The following SBF2 variants were observed in gnomAD, a reference collection of about 807,000 sequenced individuals.
The protein encoded by SBF2 is SET binding factor 2.
In SBF2, 112 loss-of-function variants were observed where a neutral mutation model predicts 225.2. The observed-to-expected ratio is 0.50, with a 90% CI of 0.43 to 0.58. The LOEUF (loss-of-function observed/expected upper bound fraction) is 0.58. Among genes scored for constraint, SBF2 ranks in the 20% least tolerant of loss-of-function variants. SBF2 has a pLI of 0.00. For synonymous variants in SBF2, 763 were observed against 773.3 expected (o/e 0.99, Z 0.22); for missense variants, 1,996 against 2,206.2 (o/e 0.90, Z 1.91).
intron 3 of SBF2, among the ~76,000 whole-genome samples, chr11:10,042,077 G>A (rs1949676781): frequency 6.6e-6 from 1 of 152,176 alleles, no homozygotes; most frequent in Non-Finnish European, 1.5e-5. Context: ...ATATCTGCAG[G>A]AGAATGGATA....
intron 6 of SBF2, among the ~76,000 whole-genome samples, chr11:10,006,552 G>T (rs1486187343): frequency 6.6e-6 from 1 of 152,124 alleles, no homozygotes; most frequent in Admixed American, 6.5e-5. Flanking sequence ...TTCGGGAGGA[G>T]GGGAAATTCT....
At chr11:10,107,762 A>G (rs919944231) in intron 2 of SBF2, among the ~76,000 whole-genome samples, 2 of 152,078 alleles carry the variant, frequency 1.3e-5, no homozygotes, top group Non-Finnish European at 2.9e-5. Context: ...TTGACATTGG[A>G]TTTACGGCCC....
chr11:9,951,694 A>G (rs1260718473), intron 16 of SBF2, among the ~76,000 whole-genome samples: 1 of 152,222 alleles, frequency 6.6e-6, no homozygotes, highest in Non-Finnish European at 1.5e-5. Context: ...CGGACAAATA[A>G]AAGCTGAGAT....
chr11:9,952,284 C>G (rs996700846), intron 16 of SBF2, among the ~76,000 whole-genome samples: 1 of 151,466 alleles, frequency 6.6e-6, no homozygotes, highest in Non-Finnish European at 1.5e-5. Flanking sequence ...AAACAAACAT[C>G]TAATCTTCTG....
chr11:10,285,518 G>T (rs1490185131), intron 1 of SBF2, among the ~76,000 whole-genome samples: 2 of 152,126 alleles, frequency 1.3e-5, no homozygotes, highest in African/African-American at 4.8e-5. Context: ...GTAAATAATT[G>T]TGTAATTTCC....
chr11:10,090,706 A>C (rs2134912495), intron 2 of SBF2, among the ~76,000 whole-genome samples: 1 of 141,128 alleles, frequency 7.1e-6, no homozygotes, highest in East Asian at 2.2e-4. Flanking sequence ...CGGAGGCTGC[A>C]GTGAGCCGAG....
chr11:9,888,674 G>C (rs1420078888), intron 17 of SBF2, among the ~76,000 whole-genome samples: 2 of 152,114 alleles, frequency 1.3e-5, no homozygotes, highest in African/African-American at 4.8e-5. Context: ...GAGGGCAGGA[G>C]TGATGTCAAC....
intron 31 of SBF2, chr11:9,808,450 CT>C: frequency 1.9e-6 from 1 of 528,882 alleles, no homozygotes; most frequent in Non-Finnish European, 3.4e-6. Context: ...TGACAGCAAC[CT>C]TTTCCTAAGT....
At position 10,021,628 on chromosome 11, in the gene SBF2, A is replaced by C. The variant is rs187115760; in HGVS notation, c.619+6824T>G. Among the ~76,000 whole-genome samples, 216 of 152,156 alleles carry C rather than the reference A, an allele frequency of 1.4e-3. 1 individual carries two copies. The highest frequency in any genetic ancestry group is 5.0e-3 in the African/African-American group (208 of 41,564). On this transcript the variant is annotated intron_variant, in intron 6 of 39. Transcript: ENST00000256190. ...AATTCATTATCATAACAATTCTTAG[A>C]GAGAAGAACAAAGGAAATGCTATCA...
At chr11:10,101,465 A>G (rs1397599541) in intron 2 of SBF2, among the ~76,000 whole-genome samples, 1 of 152,170 alleles carries the variant, frequency 6.6e-6, no homozygotes, top group Non-Finnish European at 1.5e-5. Flanking sequence ...TAGTTCCATA[A>G]AACAGAAAAG....
chr11:10,011,197 C>T (rs1438916742), intron 6 of SBF2, among the ~76,000 whole-genome samples: 1 of 151,958 alleles, frequency 6.6e-6, no homozygotes, highest in Non-Finnish European at 1.5e-5. Context: ...TCTCTTTTTC[C>T]TGCAGTCTTA....
chr11:10,065,902 G>A (rs999926209), intron 2 of SBF2, among the ~76,000 whole-genome samples: 16 of 152,128 alleles, frequency 1.1e-4, no homozygotes, highest in African/African-American at 3.1e-4. Flanking sequence ...AGCCAAGATC[G>A]CGCCATTGCA....
At chr11:9,968,834 A>G (rs1030399880) in intron 13 of SBF2, among the ~76,000 whole-genome samples, 1 of 152,084 alleles carries the variant, frequency 6.6e-6, no homozygotes, top group African/African-American at 2.4e-5. Flanking sequence ...TCCCTTAACA[A>G]TGTGAATATC....
chr11:9,894,864 C>A (rs1289192358), intron 17 of SBF2, among the ~76,000 whole-genome samples: 1 of 151,772 alleles, frequency 6.6e-6, no homozygotes, highest in East Asian at 1.9e-4. Context: ...TGCCTATAAC[C>A]CCAGCCACTT....
chr11:9,993,821 T>C (rs1194510277), intron 10 of SBF2, 100 bp downstream of exon 10: 2 of 1,259,794 alleles, frequency 1.6e-6, no homozygotes, highest in Non-Finnish European at 2.2e-6. Context: ...TTTACTCTGC[T>C]GTCCATCTAA....
At position 9,781,569 on chromosome 11, in the gene SBF2, C is replaced by G. The variant is rs1216085056; in HGVS notation, c.5389G>C (p.Val1797Leu). The G allele has an allele frequency of 2.5e-6, 4 of 1,614,204 alleles. No homozygotes were observed. Among genetic ancestry groups the G allele is most frequent in the Non-Finnish European group, 3.4e-6 (4 of 1,180,016 alleles). The change falls in exon 39 of 40, where the codon GTC (valine) becomes CTC (leucine). Residue 1797 changes from valine (V) to leucine (L), a missense_variant. Transcript: ENST00000256190. Reference protein sequence around the residue: ...GHIDLAEVEMVIPAGPSMGAP... With the variant: ...GHIDLAEVEMLIPAGPSMGAP... ...CCCATGCTGGGGCCAGCAGGGATGA[C>G]CATTTCTACTTCAGCCAGATCAATG...
intron 2 of SBF2, among the ~76,000 whole-genome samples, chr11:10,117,004 T>C (rs762168309): frequency 4.6e-5 from 7 of 152,186 alleles, no homozygotes; most frequent in Non-Finnish European, 7.4e-5. Flanking sequence ...AGAAAAGAGA[T>C]TGTAAAGATA....
At chr11:9,986,869 C>A (rs987533841) in intron 13 of SBF2, among the ~76,000 whole-genome samples, 1 of 152,150 alleles carries the variant, frequency 6.6e-6, no homozygotes, top group Non-Finnish European at 1.5e-5. Flanking sequence ...CAGTACCAAT[C>A]CTTTTGACAC....
chr11:9,840,991 T>C (rs899928921), intron 25 of SBF2, among the ~76,000 whole-genome samples: 4 of 151,974 alleles, frequency 2.6e-5, no homozygotes, highest in African/African-American at 9.7e-5. Flanking sequence ...TTAAAAACTG[T>C]CCTAATTTAC....
Sources: allele counts gnomAD v4.1 joint callset (sites outside exome capture counted in the v4.1 genomes callset), GRCh38; gene constraint gnomAD v4.1.1; transcripts MANE v1.5; gene names NCBI Gene and HGNC (gene_info 2026-07-23, HGNC 2026-07-21).